The following MAN2B2 variants were observed in gnomAD, a reference collection of about 807,000 sequenced individuals.
MAN2B2 encodes epididymis-specific alpha-mannosidase.
MAN2B2 carries 106 observed loss-of-function variants against 117.1 expected under a neutral mutation model. The ratio of observed to expected loss-of-function variants is 0.90; its 90% CI spans 0.77 to 1.06. MAN2B2 has a LOEUF of 1.06. Ranked by LOEUF, MAN2B2 falls within the 50% of genes least tolerant of loss-of-function variation. MAN2B2 has a pLI of 0.00. For synonymous variants in MAN2B2, 544 were observed against 595.1 expected, an observed-to-expected ratio of 0.91 and a Z score of 1.25; for missense variants, 1,326 against 1,381.4, an observed-to-expected ratio of 0.96 and a Z score of 0.64.
In MAN2B2 at chr4:6,605,084, G is replaced by T. The variant is rs552839023; in HGVS notation, c.1569G>T (p.Ala523=). ...AGAACTCAACAGAGACCCCATCTGC[G>T]TATGACCTGCTTATTCTGACCACAA... ...QIQNSTETPS[A]YDLLILTTIP... The change falls in exon 11 of 19, where the codon GCG becomes GCT. Residue 523 remains alanine, a synonymous_variant. Coordinates refer to ENST00000285599, the MANE Select transcript of MAN2B2 (RefSeq NM_015274.3). The T allele has an allele frequency of 6.2e-7, 1 of 1,614,070 alleles. No homozygotes were observed. Among genetic ancestry groups the T allele is most frequent in the African/African-American group, 1.3e-5 (1 of 75,030 alleles).
intron 6 of MAN2B2, among the ~76,000 whole-genome samples, chr4:6,594,091 ATAAT>A (rs1279094964): frequency 1.3e-5 from 2 of 152,040 alleles, no homozygotes; most frequent in South Asian, 2.1e-4. Context: ...ATTAATTATA[ATAAT>A]TAATAATCAT....
intron 17 of MAN2B2, 130 bp from the exon 18 acceptor site, chr4:6,619,797 G>A (rs1712072056): frequency 4.1e-6 from 3 of 726,842 alleles, no homozygotes; most frequent in South Asian, 3.3e-5. Flanking sequence ...AGCTGTGTCA[G>A]GCACCAGGGG....
chr4:6,577,122 G>A (rs1403453155), intron 2 of MAN2B2, among the ~76,000 whole-genome samples: 2 of 152,134 alleles, frequency 1.3e-5, no homozygotes, highest in East Asian at 3.9e-4. Context: ...CTTGATGAGG[G>A]TGCGATAGTC....
At chr4:6,608,082 C>T (rs1263852162) in intron 11 of MAN2B2, among the ~76,000 whole-genome samples, 1 of 152,116 alleles carries the variant, frequency 6.6e-6, no homozygotes, top group Non-Finnish European at 1.5e-5. Flanking sequence ...ATTGGCTTGT[C>T]TTTTATTATT....
intron 2 of MAN2B2, among the ~76,000 whole-genome samples, chr4:6,577,485 C>A (rs896365135): frequency 2.9e-4 from 44 of 152,200 alleles, no homozygotes; most frequent in Non-Finnish European, 7.4e-5. Flanking sequence ...GTCCACCAGG[C>A]CCCGCCAGAG....
At chr4:6,607,180 A>G (rs190679526) in intron 11 of MAN2B2, among the ~76,000 whole-genome samples, 5 of 151,990 alleles carry the variant, frequency 3.3e-5, no homozygotes, top group Admixed American at 2.6e-4. Flanking sequence ...CACTTCTTTC[A>G]CTTCACATAT....
chr4:6,610,089 C>T (rs749905494), intron 13 of MAN2B2, 39 bp downstream of exon 13: 15 of 1,608,660 alleles, frequency 9.3e-6, no homozygotes, highest in East Asian at 2.2e-5. Flanking sequence ...CTCCCAATGG[C>T]GCCTTTCCTG....
At chr4:6,608,974 G>A (rs1419146749) in intron 11 of MAN2B2, 133 bp from the exon 12 acceptor site, 1 of 738,162 alleles carries the variant, frequency 1.4e-6, no homozygotes, top group East Asian at 2.8e-5. Flanking sequence ...GCTTCTAGAT[G>A]AGCTGAGTCA....
At chr4:6,577,445 G>T (rs1482375142) in intron 2 of MAN2B2, among the ~76,000 whole-genome samples, 1 of 152,240 alleles carries the variant, frequency 6.6e-6, no homozygotes, top group Admixed American at 6.5e-5. Flanking sequence ...ACTTGCTCAA[G>T]GGAGTGAAGC....
At chr4:6,604,238 C>T (rs1727444286) in intron 10 of MAN2B2, among the ~76,000 whole-genome samples, 1 of 152,054 alleles carries the variant, frequency 6.6e-6, no homozygotes, top group South Asian at 2.1e-4. Flanking sequence ...GGCTTCCTTC[C>T]CCAGTTGCAG....
At chr4:6,580,351 G>C (rs1203571533) in intron 3 of MAN2B2, among the ~76,000 whole-genome samples, 1 of 152,168 alleles carries the variant, frequency 6.6e-6, no homozygotes. Flanking sequence ...TCAGCCGCCT[G>C]CTGTGGCTCC....
rs1351798427 is a variant in MAN2B2, at chr4:6,621,812, C to A, written c.*527C>A. The A allele has an allele frequency of 6.6e-6, 1 of 152,214 alleles. No homozygotes were observed. Among genetic ancestry groups the A allele is most frequent in the African/African-American group, 2.4e-5 (1 of 41,422 alleles). The allele number at this position is 152,214 out of a possible 1,614,324, so 9.4% of individuals were successfully genotyped here. ...CTAGCGAGAGTTCCAGCCCCAGACGCCCACCTGTGCCTCAGGGCACCGCCT... is the reference window on the plus strand; with the variant it reads ...CTAGCGAGAGTTCCAGCCCCAGACGACCACCTGTGCCTCAGGGCACCGCCT... On this transcript the variant is annotated 3_prime_UTR_variant, in exon 19 of 19. Coordinates refer to ENST00000285599, the MANE Select transcript of MAN2B2 (RefSeq NM_015274.3).
intron 11 of MAN2B2, among the ~76,000 whole-genome samples, chr4:6,608,376 C>T (rs772300866): frequency 7.2e-5 from 11 of 152,216 alleles, no homozygotes; most frequent in Non-Finnish European, 1.5e-4. Context: ...GGCCATCCAC[C>T]TCATTGTCCG....
chr4:6,586,638 G>A (rs1444280353), intron 3 of MAN2B2, among the ~76,000 whole-genome samples: 1 of 152,184 alleles, frequency 6.6e-6, no homozygotes, highest in East Asian at 1.9e-4. Context: ...GGGGTGCTAG[G>A]GGCTGGGGGA....
At chr4:6,604,590 T>C (rs987525451) in intron 10 of MAN2B2, among the ~76,000 whole-genome samples, 2 of 151,362 alleles carry the variant, frequency 1.3e-5, no homozygotes, top group African/African-American at 4.9e-5. Context: ...AGGGCCATCG[T>C]TGGATGGGGA....
chr4:6,609,653 C>T (rs1560659264), intron 12 of MAN2B2, 145 bp from the exon 13 acceptor site: 1 of 1,025,958 alleles, frequency 9.7e-7, no homozygotes, highest in Non-Finnish European at 1.4e-6. Context: ...CTGGGTGGTG[C>T]TATTGTCCAC....
In MAN2B2 at chr4:6,575,271, G is replaced by A; in HGVS notation, c.61G>A (p.Val21Ile). Reference sequence around the variant, plus strand: ...GCTCCTGTTGCTGCGACCGCCAGGGGTCCAGTCCGCCGGCCCCATCCGGGC... The same window carrying A: ...GCTCCTGTTGCTGCGACCGCCAGGGATCCAGTCCGCCGGCCCCATCCGGGC... ...APLLLLRPPG[V>I]QSAGPIRAFV... is the part of the protein sequence containing the mutation. The change falls in exon 1 of 19, where the codon GTC becomes ATC. Residue 21 changes from valine to isoleucine, a missense_variant. Coordinates refer to ENST00000285599, the MANE Select transcript of MAN2B2 (RefSeq NM_015274.3). 2 of 1,555,280 alleles carry A rather than the reference G, an allele frequency of 1.3e-6. No homozygotes were observed. Among genetic ancestry groups the A allele is most frequent in the Non-Finnish European group, 1.7e-6 (2 of 1,155,930 alleles).
chr4:6,616,034 C>G (rs886996176), intron 16 of MAN2B2, among the ~76,000 whole-genome samples: 1 of 152,162 alleles, frequency 6.6e-6, no homozygotes, highest in Non-Finnish European at 1.5e-5. Context: ...AAACTCCTGA[C>G]AGCAGGCAAT....
At chr4:6,609,011 C>A (rs1293811033) in intron 11 of MAN2B2, 96 bp from the exon 12 acceptor site, 2 of 1,174,170 alleles carry the variant, frequency 1.7e-6, no homozygotes, top group East Asian at 2.5e-5. Context: ...CTACGCAGGC[C>A]ACTCAGATGG....
Sources: allele counts gnomAD v4.1 joint callset (sites outside exome capture counted in the v4.1 genomes callset), GRCh38; gene constraint gnomAD v4.1.1; transcripts MANE v1.5; gene names NCBI Gene and HGNC (gene_info 2026-07-23, HGNC 2026-07-21).